Variants in RIMS1 observed in about 807,000 individuals in gnomAD.
The protein encoded by RIMS1 is regulating synaptic membrane exocytosis protein 1.
A neutral mutation model predicts 214.1 loss-of-function variants in RIMS1; 83 were observed. That is an observed-to-expected ratio of 0.39 (90% CI 0.32 to 0.47). RIMS1 has a LOEUF of 0.47. Among genes scored for constraint, RIMS1 ranks in the 20% least tolerant of loss-of-function variants. RIMS1 has a pLI of 0.99. For missense variants in RIMS1, 2,050 were observed against 2,161.8 expected, an observed-to-expected ratio of 0.95 and a Z score of 1.03; for synonymous variants, 793 against 786.8, an observed-to-expected ratio of 1.01 and a Z score of -0.13.
intron 6 of RIMS1, chr6:72,216,824 ATT>A (rs2056288058): frequency 1.0e-6 from 1 of 997,158 alleles, no homozygotes; most frequent in Non-Finnish European, 1.2e-6. Context: ...GCTTCTGTGC[ATT>A]GTTTTAGGAA....
At chr6:72,270,817 T>C (rs2082674985) in intron 22 of RIMS1, among the ~76,000 whole-genome samples, 1 of 152,110 alleles carries the variant, frequency 6.6e-6, no homozygotes, top group Non-Finnish European at 1.5e-5. Flanking sequence ...TGGTCACCTA[T>C]CATATAAGCC....
At chr6:71,911,198 T>A (rs1016244166) in intron 1 of RIMS1, among the ~76,000 whole-genome samples, 1 of 152,160 alleles carries the variant, frequency 6.6e-6, no homozygotes, top group African/African-American at 2.4e-5. Flanking sequence ...GCTTATGTTT[T>A]AAGGGCCATG....
At chr6:72,147,539 C>T (rs2042916424) in intron 4 of RIMS1, among the ~76,000 whole-genome samples, 1 of 152,152 alleles carries the variant, frequency 6.6e-6, no homozygotes, top group Non-Finnish European at 1.5e-5. Flanking sequence ...TCCTCTGTTT[C>T]CCAAGGAGTC....
At chr6:71,992,400 CTCTCTCTTTCTTTCTTTCTTTCTTTCTT>C (rs1801878940) in intron 2 of RIMS1, among the ~76,000 whole-genome samples, 1 of 87,794 alleles carries the variant, frequency 1.1e-5, no homozygotes, top group African/African-American at 4.2e-5. Context: ...TTCTTTCTCT[CTCTCTCTTTCTTTCTTTCTTTCTTTCTT>C]TCTTTCTTTC....
intron 6 of RIMS1, among the ~76,000 whole-genome samples, chr6:72,198,427 C>T (rs999609024): frequency 2.0e-5 from 3 of 151,844 alleles, no homozygotes; most frequent in Non-Finnish European, 4.4e-5. Context: ...TACTCTCACT[C>T]ATATGTGGGA....
intron 2 of RIMS1, among the ~76,000 whole-genome samples, chr6:72,003,823 A>G (rs1193864983): frequency 1.3e-5 from 2 of 151,838 alleles, no homozygotes; most frequent in Non-Finnish European, 2.9e-5. Context: ...AATTTGAGGA[A>G]TGAGGCTAAA....
chr6:72,159,665 G>A (rs2045017497), intron 4 of RIMS1, among the ~76,000 whole-genome samples: 1 of 140,540 alleles, frequency 7.1e-6, no homozygotes, highest in South Asian at 2.4e-4. Flanking sequence ...CCCATTGCTT[G>A]TTTTTCTCAG....
chr6:72,194,839 A>G (rs903934652), intron 6 of RIMS1, among the ~76,000 whole-genome samples: 6 of 152,176 alleles, frequency 3.9e-5, no homozygotes, highest in Non-Finnish European at 7.4e-5. Flanking sequence ...ACGTTTTACA[A>G]GTGATTGCCA....
chr6:72,237,544 T>C (rs1213653760), intron 8 of RIMS1, among the ~76,000 whole-genome samples: 1 of 151,680 alleles, frequency 6.6e-6, no homozygotes, highest in Non-Finnish European at 1.5e-5. Flanking sequence ...GGCGTGGTGG[T>C]GTATGCCTGT....
At chr6:71,992,432 TTCTTTCTTTCTTTCTTTC>T (rs1481536614) in intron 2 of RIMS1, among the ~76,000 whole-genome samples, 12 of 113,686 alleles carry the variant, frequency 1.1e-4, no homozygotes, top group African/African-American at 4.2e-4. Flanking sequence ...CTTTCTTTCT[TTCTTTCTTTCTTTCTTTC>T]TCTTTCTCTT....
intron 2 of RIMS1, among the ~76,000 whole-genome samples, chr6:72,064,750 A>G (rs982529358): frequency 6.6e-6 from 1 of 152,242 alleles, no homozygotes; most frequent in Non-Finnish European, 1.5e-5. Flanking sequence ...TGCTCAGGGC[A>G]GGCTGGGCTC....
rs9446614 is a variant in RIMS1 at position 72,277,348 on chromosome 6, G to A, written c.3482+2916G>A. Among the ~76,000 whole-genome samples the A allele has an allele frequency of 5.4e-3, 828 of 152,222 alleles. 7 individuals carry two copies. Among genetic ancestry groups the A allele is most frequent in the African/African-American group, 0.019 (805 of 41,548 alleles). On this transcript the variant is annotated intron_variant, in intron 23 of 33. Transcript: ENST00000521978. ...TGTAATCCCAGCACTTTGGGAGGCC[G>A]AGGCGGGCGGATCATGAGGTCAGGA...
At chr6:72,394,042 A>G (rs1311464749) in intron 31 of RIMS1, among the ~76,000 whole-genome samples, 1 of 151,490 alleles carries the variant, frequency 6.6e-6, no homozygotes. Context: ...AAAAAAAAAA[A>G]GATGGAACCA....
chr6:71,950,846 G>GA (rs1485613138), intron 1 of RIMS1, among the ~76,000 whole-genome samples: 2 of 151,758 alleles, frequency 1.3e-5, no homozygotes, highest in Non-Finnish European at 2.9e-5. Flanking sequence ...TTTTTAAATT[G>GA]AAAAAAAGGA....
intron 9 of RIMS1, among the ~76,000 whole-genome samples, chr6:72,239,577 T>G (rs940483919): frequency 1.3e-5 from 2 of 152,336 alleles, no homozygotes; most frequent in Middle Eastern, 3.4e-3. Flanking sequence ...AAAACTACGG[T>G]GCAATCAATG....
intron 9 of RIMS1, among the ~76,000 whole-genome samples, chr6:72,241,221 A>G (rs893551503): frequency 1.3e-5 from 2 of 152,244 alleles, no homozygotes; most frequent in Non-Finnish European, 2.9e-5. Flanking sequence ...ATACTTGGCT[A>G]TAAAATGTAT....
intron 4 of RIMS1, among the ~76,000 whole-genome samples, chr6:72,124,683 C>T (rs1587622863): frequency 6.8e-6 from 1 of 147,422 alleles, no homozygotes; most frequent in South Asian, 2.1e-4. Context: ...TTTCTTTTTA[C>T]TCTTTTTTCT....
chr6:72,012,937 G>C (rs1285588671), intron 2 of RIMS1, among the ~76,000 whole-genome samples: 2 of 152,154 alleles, frequency 1.3e-5, no homozygotes, highest in Non-Finnish European at 2.9e-5. Context: ...TTTGGTCTTA[G>C]AGCATGTTTT....
chr6:72,219,663 C>A, intron 6 of RIMS1, among the ~76,000 whole-genome samples: 1 of 99,776 alleles, frequency 1.0e-5, no homozygotes, highest in African/African-American at 4.0e-5. Context: ...TTATAAATAG[C>A]TTTGAGGGTT....
Sources: gnomAD v4.1 joint callset for allele counts (sites outside exome capture counted in the v4.1 genomes callset) on GRCh38, gnomAD v4.1.1 for gene constraint, MANE v1.5 for transcripts, NCBI Gene and HGNC (gene_info 2026-07-23, HGNC 2026-07-21) for gene names.